The following SGCZ variants were observed in gnomAD, a reference collection of about 807,000 sequenced individuals.
SGCZ encodes the protein zeta-sarcoglycan.
Under a neutral mutation model 41.3 loss-of-function variants are expected in SGCZ, and 40 were observed. The ratio of observed to expected loss-of-function variants is 0.97; its 90% CI spans 0.75 to 1.26. SGCZ has a LOEUF of 1.26. Among genes scored for constraint, SGCZ ranks in the 50% most tolerant of loss-of-function variants. The pLI, the probability that SGCZ is intolerant of heterozygous loss-of-function variation, is 0.00. For missense variants in SGCZ, 552 were observed against 369.8 expected, an observed-to-expected ratio of 1.49 and a Z score of -4.04; for synonymous variants, 206 against 137.5, an observed-to-expected ratio of 1.50 and a Z score of -3.49.
intron 1 of SGCZ, among the ~76,000 whole-genome samples, chr8:14,738,531 C>A (rs1211072932): frequency 9.2e-5 from 14 of 152,074 alleles, no homozygotes; most frequent in Non-Finnish European, 2.1e-4. Context: ...TCAATAGGAG[C>A]AGTGTACCTA....
At chr8:14,341,841 T>C (rs1197277051) in intron 2 of SGCZ, among the ~76,000 whole-genome samples, 3 of 152,238 alleles carry the variant, frequency 2.0e-5, no homozygotes, top group Non-Finnish European at 4.4e-5. Flanking sequence ...CCCGCCATGA[T>C]TCTGAAGCCT....
chr8:14,987,606 T>C (rs1801866606), intron 1 of SGCZ, among the ~76,000 whole-genome samples: 2 of 152,006 alleles, frequency 1.3e-5, no homozygotes, highest in Non-Finnish European at 2.9e-5. Flanking sequence ...ACATACCCAG[T>C]CATCCTTCTC....
At chr8:14,386,780 C>T (rs192929630) in intron 2 of SGCZ, among the ~76,000 whole-genome samples, 29 of 152,098 alleles carry the variant, frequency 1.9e-4, no homozygotes, top group Admixed American at 7.2e-4. Flanking sequence ...AAATCAATGC[C>T]TATACATGCA....
chr8:14,364,784 A>G (rs1444429841), intron 2 of SGCZ, among the ~76,000 whole-genome samples: 1 of 152,114 alleles, frequency 6.6e-6, no homozygotes, highest in Non-Finnish European at 1.5e-5. Flanking sequence ...GATATTATAC[A>G]TGTTTTTCCA....
chr8:14,445,582 C>T (rs1355386542), intron 2 of SGCZ, among the ~76,000 whole-genome samples: 1 of 152,160 alleles, frequency 6.6e-6, no homozygotes, highest in Admixed American at 6.5e-5. Context: ...ACCATTTCCA[C>T]CACTCAACAA....
chr8:14,153,982 C>T (rs948303796), intron 5 of SGCZ, among the ~76,000 whole-genome samples: 1 of 151,802 alleles, frequency 6.6e-6, no homozygotes, highest in African/African-American at 2.4e-5. Context: ...GACACAGCAA[C>T]AAGGCAGCTG....
chr8:14,469,433 T>C (rs976325853), intron 2 of SGCZ, among the ~76,000 whole-genome samples: 6 of 152,106 alleles, frequency 3.9e-5, no homozygotes, highest in African/African-American at 1.4e-4. Context: ...CTCTCCTTCA[T>C]AGCATATGTC....
intron 1 of SGCZ, among the ~76,000 whole-genome samples, chr8:14,848,402 G>A (rs1450876262): frequency 1.3e-5 from 2 of 152,008 alleles, no homozygotes; most frequent in African/African-American, 2.4e-5. Context: ...GCCAAACAAC[G>A]TTTAAAAAGA....
chr8:14,409,330 C>T (rs536149762), intron 2 of SGCZ, among the ~76,000 whole-genome samples: 87 of 152,068 alleles, frequency 5.7e-4, no homozygotes, highest in Non-Finnish European at 9.1e-4. Flanking sequence ...TCTCCCTCAA[C>T]CTGAGGATCC....
intron 1 of SGCZ, among the ~76,000 whole-genome samples, chr8:15,162,396 G>A (rs1799536412): frequency 6.6e-6 from 1 of 152,140 alleles, no homozygotes; most frequent in Non-Finnish European, 1.5e-5. Flanking sequence ...TTAAATTTTA[G>A]ACAACTGATA....
intron 1 of SGCZ, among the ~76,000 whole-genome samples, chr8:15,008,797 GA>G: frequency 1.0e-5 from 1 of 100,350 alleles, no homozygotes; most frequent in Non-Finnish European, 2.1e-5. Flanking sequence ...GGGACGGAGG[GA>G]GGGGAGGAGG....
chr8:14,896,539 T>C (rs1390752391), intron 1 of SGCZ, among the ~76,000 whole-genome samples: 1 of 152,058 alleles, frequency 6.6e-6, no homozygotes, highest in African/African-American at 2.4e-5. Flanking sequence ...TGCAGCGGCA[T>C]GATCTCGGCT....
chr8:14,850,823 T>C (rs939166879), intron 1 of SGCZ, among the ~76,000 whole-genome samples: 3 of 152,072 alleles, frequency 2.0e-5, no homozygotes, highest in African/African-American at 7.2e-5. Flanking sequence ...AAGAGGATCT[T>C]TTGCTTCACT....
At chr8:14,472,755 ATTTG>A (rs918526331) in intron 2 of SGCZ, among the ~76,000 whole-genome samples, 13 of 152,258 alleles carry the variant, frequency 8.5e-5, no homozygotes, top group East Asian at 7.7e-4. Context: ...TTCTATACAA[ATTTG>A]TTTGTGTATG....
chr8:14,352,090 G>C lies in SGCZ; in HGVS notation c.235-27886C>G, dbSNP rs534371649. Among the ~76,000 whole-genome samples the C allele has an allele frequency of 5.3e-5, 8 of 152,208 alleles. 1 individual carries two copies. In the East Asian group the frequency reaches 7.7e-4, roughly 15 times the overall value. On this transcript the variant is annotated intron_variant, in intron 2 of 7. Transcript: ENST00000382080. Reference sequence around the variant, plus strand: ...TTACATTACATATTCTTTAATGAAAGTTAGCTTCTTTCATTAAAATTCACT... The same window carrying C: ...TTACATTACATATTCTTTAATGAAACTTAGCTTCTTTCATTAAAATTCACT...
chr8:15,123,220 T>C (rs1021786675), intron 1 of SGCZ, among the ~76,000 whole-genome samples: 1 of 152,188 alleles, frequency 6.6e-6, no homozygotes, highest in African/African-American at 2.4e-5. Context: ...TCCAGGAGCA[T>C]GCTTCAAAAT....
At chr8:14,827,033 G>T (rs1015934730) in intron 1 of SGCZ, among the ~76,000 whole-genome samples, 1 of 151,774 alleles carries the variant, frequency 6.6e-6, no homozygotes, top group Non-Finnish European at 1.5e-5. Flanking sequence ...GAATGGTATT[G>T]CCTCGGTTTT....
intron 1 of SGCZ, among the ~76,000 whole-genome samples, chr8:15,146,951 C>A (rs932817588): frequency 5.9e-5 from 9 of 152,060 alleles, no homozygotes; most frequent in Admixed American, 2.0e-4. Context: ...CAGATGCCCA[C>A]AAAAGTAAAA....
At chr8:14,786,146 G>A (rs962411568) in intron 1 of SGCZ, among the ~76,000 whole-genome samples, 2 of 148,580 alleles carry the variant, frequency 1.3e-5, no homozygotes, top group Non-Finnish European at 3.0e-5. Flanking sequence ...TAGTATCTAA[G>A]CCTGTCACTA....
Sources: allele counts gnomAD v4.1 joint callset (sites outside exome capture counted in the v4.1 genomes callset), GRCh38; gene constraint gnomAD v4.1.1; transcripts MANE v1.5; gene names NCBI Gene and HGNC (gene_info 2026-07-23, HGNC 2026-07-21).